COL25A1: variants seen among roughly 807,000 people sequenced by gnomAD.
COL25A1 encodes collagen alpha-1(XXV) chain.
Under a neutral mutation model 128.4 loss-of-function variants are expected in COL25A1, and 103 were observed. The ratio of observed to expected loss-of-function variants is 0.80; its 90% CI spans 0.68 to 0.94. The LOEUF is 0.94. Ranked by LOEUF, COL25A1 falls within the 40% of genes least tolerant of loss-of-function variation. The pLI, the probability that COL25A1 is intolerant of heterozygous loss-of-function variation, is 0.00. For missense variants in COL25A1, 745 were observed against 840.0 expected (o/e 0.89, Z 1.40); for synonymous variants, 279 against 277.2 (o/e 1.01, Z -0.06).
At chr4:108,843,043 G>A (rs565705257) in intron 30 of COL25A1, among the ~76,000 whole-genome samples, 67 of 151,390 alleles carry the variant, frequency 4.4e-4, no homozygotes, top group African/African-American at 1.6e-3. Flanking sequence ...CAGCTACTCA[G>A]GAGGCTGATG....
chr4:108,999,406 C>T (rs956170522), intron 6 of COL25A1, among the ~76,000 whole-genome samples: 9 of 152,154 alleles, frequency 5.9e-5, no homozygotes, highest in African/African-American at 2.2e-4. Context: ...CAAATCAAAA[C>T]CACAATGAGA....
rs145795450 is a variant in COL25A1, at chr4:109,024,148, G to A, written c.421-13773C>T. Among the ~76,000 whole-genome samples, 833 of 152,176 alleles carry A rather than the reference G, an allele frequency of 5.5e-3. 6 individuals carry two copies. The highest frequency in any genetic ancestry group is 0.019 in the African/African-American group (770 of 41,566). ...TGTCCTACTGTAGGCTAATGTAAGT[G>A]TTCTGAGAACATTTAAAGTAAGCTA... On this transcript the variant is annotated intron_variant, in intron 5 of 37. Coordinates refer to ENST00000399132, the MANE Select transcript of COL25A1 (RefSeq NM_198721.4).
chr4:108,886,250 TG>T (rs1228802907), intron 18 of COL25A1, among the ~76,000 whole-genome samples: 1 of 152,218 alleles, frequency 6.6e-6, no homozygotes, highest in Non-Finnish European at 1.5e-5. Context: ...TTACCCTTTG[TG>T]GAACATCGCC....
chr4:109,289,561 T>C (rs1336070892), intron 3 of COL25A1, among the ~76,000 whole-genome samples: 1 of 152,118 alleles, frequency 6.6e-6, no homozygotes, highest in Non-Finnish European at 1.5e-5. Context: ...TGAATATAGC[T>C]ATCACCCAGG....
intron 5 of COL25A1, among the ~76,000 whole-genome samples, chr4:109,029,634 A>T (rs1235617749): frequency 6.6e-6 from 1 of 152,226 alleles, no homozygotes; most frequent in Non-Finnish European, 1.5e-5. Flanking sequence ...ATTTGTAGGA[A>T]GAAACATATA....
chr4:109,197,442 T>A lies in COL25A1; in HGVS notation c.367+103141A>T, dbSNP rs1253477031. Among the ~76,000 whole-genome samples, 214 of 123,084 alleles carry A rather than the reference T, an allele frequency of 1.7e-3. 1 individual carries two copies. Among genetic ancestry groups the A allele is most frequent in the Admixed American group, 6.1e-3 (57 of 9,404 alleles). 80.7% of individuals were successfully genotyped at this position (123,084 alleles called of 152,430 possible). A position where few individuals can be genotyped will look rare whatever the true frequency, so the allele number is the denominator to read the frequency against. On this transcript the variant is annotated intron_variant, in intron 3 of 37. Transcript: ENST00000399132. ...TATATTATATATAAATATTATATAT[T>A]ATATATATTATATATAAATATTATA...
At chr4:109,034,232 G>A (rs1257951863) in intron 5 of COL25A1, among the ~76,000 whole-genome samples, 1 of 152,140 alleles carries the variant, frequency 6.6e-6, no homozygotes, top group Non-Finnish European at 1.5e-5. Context: ...GATCTTGAGT[G>A]TCACTCAAGA....
At chr4:109,034,055 G>GA (rs1759113125) in intron 5 of COL25A1, among the ~76,000 whole-genome samples, 1 of 152,210 alleles carries the variant, frequency 6.6e-6, no homozygotes, top group African/African-American at 2.4e-5. Context: ...TTAAAGAATA[G>GA]AAAATAGATT....
At chr4:108,948,721 A>G (rs886598354) in intron 8 of COL25A1, among the ~76,000 whole-genome samples, 4 of 152,204 alleles carry the variant, frequency 2.6e-5, no homozygotes, top group Non-Finnish European at 4.4e-5. Flanking sequence ...TATGTCGATG[A>G]TAAGTGTAAC....
chr4:108,954,462 C>A (rs1361749710), intron 8 of COL25A1, among the ~76,000 whole-genome samples: 2 of 151,838 alleles, frequency 1.3e-5, no homozygotes, highest in Non-Finnish European at 2.9e-5. Flanking sequence ...TGATAATATT[C>A]ATATTTAACC....
intron 3 of COL25A1, among the ~76,000 whole-genome samples, chr4:109,194,570 T>C (rs1379535619): frequency 1.3e-5 from 2 of 152,138 alleles, no homozygotes; most frequent in Non-Finnish European, 2.9e-5. Context: ...AGATATATAA[T>C]TAGGAAATTA....
chr4:108,848,688 C>T (rs13130308), intron 27 of COL25A1, 71 bp downstream of exon 27: 584,379 of 1,110,662 alleles, frequency 0.53, 159,620 homozygotes, highest in East Asian at 0.69. Context: ...GACATTTTGG[C>T]TTCAAACCTA....
intron 18 of COL25A1, among the ~76,000 whole-genome samples, chr4:108,888,804 A>T (rs1741114989): frequency 6.6e-6 from 1 of 152,210 alleles, no homozygotes; most frequent in Non-Finnish European, 1.5e-5. Context: ...AGAATTGTCC[A>T]TCACTATTGA....
At chr4:108,973,580 G>C (rs926094572) in intron 8 of COL25A1, among the ~76,000 whole-genome samples, 24 of 152,164 alleles carry the variant, frequency 1.6e-4, no homozygotes, top group African/African-American at 5.8e-4. Flanking sequence ...TTTTAAATGA[G>C]CCTTTCCACT....
At chr4:108,845,153 T>A in intron 29 of COL25A1, 36 bp downstream of exon 29, 6 of 1,571,620 alleles carry the variant, frequency 3.8e-6, no homozygotes, top group Non-Finnish European at 5.3e-6. Context: ...GTGAGGAGGT[T>A]CAGGAACAAT....
At position 108,907,179 on chromosome 4, in the gene COL25A1, C is replaced by T. The variant is rs115929776; in HGVS notation, c.781-6007G>A. Among the ~76,000 whole-genome samples the T allele has an allele frequency of 4.7e-3, 709 of 152,114 alleles. 1 individual carries two copies. The highest frequency in any genetic ancestry group is 6.6e-3 in the Non-Finnish European group (452 of 68,006). On this transcript the variant is annotated intron_variant, in intron 13 of 37. Coordinates refer to ENST00000399132, the MANE Select transcript of COL25A1 (RefSeq NM_198721.4). The stretch of plus-strand genomic sequence containing the variant: ...GGGGTGGAGTGAAGCGAGGCGAGTG[C>T]GAGTTAGAAGAGGAGTCTGTGAAGG...
intron 5 of COL25A1, among the ~76,000 whole-genome samples, chr4:109,039,708 T>C (rs760388389): frequency 1.2e-4 from 18 of 152,358 alleles, no homozygotes; most frequent in Non-Finnish European, 2.2e-4. Flanking sequence ...CCATTTATCC[T>C]CATCGTATAG....
chr4:109,057,073 TG>T (rs550483082), intron 3 of COL25A1, among the ~76,000 whole-genome samples: 129 of 152,306 alleles, frequency 8.5e-4, no homozygotes, highest in African/African-American at 2.9e-3. Flanking sequence ...TTGCCCAGGC[TG>T]GTCTCAAACT....
Position 108,894,623 on chromosome 4 carries a change from A to T in COL25A1, c.906+2044T>A, listed in dbSNP as rs78908759. On this transcript the variant is annotated intron_variant, in intron 16 of 37. Coordinates refer to ENST00000399132, the MANE Select transcript of COL25A1 (RefSeq NM_198721.4). Reference sequence around the variant, plus strand: ...TCTATGGTTGCTTTCATGCCATAACAACAGAGTTGAGTAGCTGTGACAGAG... The same window carrying T: ...TCTATGGTTGCTTTCATGCCATAACTACAGAGTTGAGTAGCTGTGACAGAG... Among the ~76,000 whole-genome samples the T allele has an allele frequency of 2.6e-3, 392 of 152,318 alleles. 3 individuals carry two copies. Among genetic ancestry groups the T allele is most frequent in the African/African-American group, 9.1e-3 (377 of 41,568 alleles).
Sources: allele counts gnomAD v4.1 joint callset (sites outside exome capture counted in the v4.1 genomes callset), GRCh38; gene constraint gnomAD v4.1.1; transcripts MANE v1.5; gene names NCBI Gene and HGNC (gene_info 2026-07-23, HGNC 2026-07-21).